Variants in DLGAP1 observed in about 807,000 individuals in gnomAD.
The protein encoded by DLGAP1 is disks large-associated protein 1.
DLGAP1 carries 11 observed loss-of-function variants against 90.8 expected under a neutral mutation model. The ratio of observed to expected loss-of-function variants is 0.12; its 90% CI spans 0.08 to 0.20. The LOEUF is 0.20. DLGAP1 is among the 10% of genes least tolerant of loss of function. The pLI is 1.00. For missense variants in DLGAP1, 1,050 were observed against 1,333.8 expected (o/e 0.79, Z 3.31); for synonymous variants, 558 against 540.7 (o/e 1.03, Z -0.44).
chr18:4,397,015 A>T (rs1352727482), intron 1 of DLGAP1, among the ~76,000 whole-genome samples: 1 of 152,230 alleles, frequency 6.6e-6, no homozygotes, highest in Non-Finnish European at 1.5e-5. Context: ...CTGGAGCCAG[A>T]CACACCTGAG....
At chr18:4,266,807 A>AT (rs1232450356) in intron 1 of DLGAP1, among the ~76,000 whole-genome samples, 1 of 152,220 alleles carries the variant, frequency 6.6e-6, no homozygotes, top group Non-Finnish European at 1.5e-5. Context: ...GCTGTCTGTG[A>AT]TTTTTTTAAA....
chr18:4,369,048 C>G (rs1350993), intron 1 of DLGAP1, among the ~76,000 whole-genome samples: 6,802 of 152,150 alleles, frequency 0.045, 480 homozygotes, highest in African/African-American at 0.15. Flanking sequence ...ATATGCAGCT[C>G]TTTTTATCAG....
intron 1 of DLGAP1, among the ~76,000 whole-genome samples, chr18:4,259,835 A>T (rs1568476798): frequency 6.6e-6 from 1 of 152,194 alleles, no homozygotes; most frequent in South Asian, 2.1e-4. Context: ...CGAAGTAGAC[A>T]TTTCCAAACG....
chr18:4,339,081 T>C (rs74667799), intron 1 of DLGAP1, among the ~76,000 whole-genome samples: 1,909 of 152,176 alleles, frequency 0.013, 50 homozygotes, highest in African/African-American at 0.043. Flanking sequence ...AACTAAAGGG[T>C]CCTGACTTTA....
At chr18:4,061,295 G>A (rs2075294478) in intron 2 of DLGAP1, among the ~76,000 whole-genome samples, 1 of 152,132 alleles carries the variant, frequency 6.6e-6, no homozygotes, top group African/African-American at 2.4e-5. Context: ...TTTTTGCCTA[G>A]TTTAGAGGGT....
At chr18:3,848,708 C>A (rs2069164714) in intron 4 of DLGAP1, among the ~76,000 whole-genome samples, 1 of 152,102 alleles carries the variant, frequency 6.6e-6, no homozygotes, top group African/African-American at 2.4e-5. Flanking sequence ...GCCATATCAC[C>A]AAGAGATATT....
At chr18:4,085,774 A>C (rs1422282908) in intron 2 of DLGAP1, among the ~76,000 whole-genome samples, 1 of 152,138 alleles carries the variant, frequency 6.6e-6, no homozygotes, top group African/African-American at 2.4e-5. Context: ...CTCAGAACAC[A>C]ATTATCCGGT....
chr18:3,791,238 C>A (rs1472546040), intron 5 of DLGAP1, among the ~76,000 whole-genome samples: 4 of 152,172 alleles, frequency 2.6e-5, no homozygotes, highest in African/African-American at 9.7e-5. Flanking sequence ...ACCTTATCTT[C>A]TAGGAACTTT....
At chr18:3,831,984 G>T (rs1159616105) in intron 4 of DLGAP1, among the ~76,000 whole-genome samples, 1 of 152,148 alleles carries the variant, frequency 6.6e-6, no homozygotes, top group Non-Finnish European at 1.5e-5. Context: ...AAGTGACATG[G>T]ATCTATACAA....
intron 7 of DLGAP1, among the ~76,000 whole-genome samples, chr18:3,680,902 C>G (rs1269971704): frequency 6.6e-6 from 1 of 151,908 alleles, no homozygotes; most frequent in African/African-American, 2.4e-5. Context: ...AATGAAGAAG[C>G]CTGAATCTAT....
chr18:3,955,826 T>G (rs150665023), intron 3 of DLGAP1, among the ~76,000 whole-genome samples: 20 of 152,114 alleles, frequency 1.3e-4, no homozygotes, highest in Non-Finnish European at 1.2e-4. Flanking sequence ...GTAACATTAA[T>G]GCTAGATTAG....
chr18:3,805,533 T>C (rs764566560), intron 5 of DLGAP1, among the ~76,000 whole-genome samples: 1 of 152,182 alleles, frequency 6.6e-6, no homozygotes, highest in Non-Finnish European at 1.5e-5. Context: ...GTTTCAAGAC[T>C]GTATTTAAAA....
At position 3,666,585 on chromosome 18, in the gene DLGAP1, G is replaced by A. The variant is rs79578924; in HGVS notation, c.1591+62550C>T. On this transcript the variant is annotated intron_variant, in intron 7 of 12. Coordinates refer to ENST00000315677, the MANE Select transcript of DLGAP1 (RefSeq NM_004746.4). Reference sequence around the variant, plus strand: ...CTCTTAAAACACAGGATCAGAGAATGCAGTTCTAAATGGCAAATCTAGACT... The same window carrying A: ...CTCTTAAAACACAGGATCAGAGAATACAGTTCTAAATGGCAAATCTAGACT... Among the ~76,000 whole-genome samples the A allele has an allele frequency of 3.9e-5, 6 of 152,304 alleles. No homozygotes were observed. The East Asian group carries it at 1.2e-3, about 29-fold the overall frequency.
intron 12 of DLGAP1, chr18:3,502,249 A>T: frequency 7.4e-7 from 1 of 1,359,982 alleles, no homozygotes; most frequent in Non-Finnish European, 9.5e-7. Context: ...TTAATTAACA[A>T]AAAAAGCCAC....
chr18:4,437,574 G>T (rs1226123058), intron 1 of DLGAP1, among the ~76,000 whole-genome samples: 1 of 152,152 alleles, frequency 6.6e-6, no homozygotes, highest in Non-Finnish European at 1.5e-5. Context: ...AAAAAAGTTT[G>T]TCCATGTTCA....
chr18:3,905,943 C>T (rs1424588429), intron 3 of DLGAP1, among the ~76,000 whole-genome samples: 1 of 152,154 alleles, frequency 6.6e-6, no homozygotes, highest in African/African-American at 2.4e-5. Context: ...GTCCTTGAAC[C>T]CTTTTGAAGA....
intron 3 of DLGAP1, among the ~76,000 whole-genome samples, chr18:3,948,189 T>C (rs1376923624): frequency 6.6e-6 from 1 of 152,124 alleles, no homozygotes; most frequent in African/African-American, 2.4e-5. Context: ...CTGAAGATCT[T>C]TTCCAGGCCA....
intron 3 of DLGAP1, among the ~76,000 whole-genome samples, chr18:3,938,154 A>G (rs1189558952): frequency 6.6e-6 from 1 of 152,214 alleles, no homozygotes; most frequent in Non-Finnish European, 1.5e-5. Context: ...CATACACGTT[A>G]AAAAAGGGCA....
chr18:3,619,582 T>G (rs545277433), intron 7 of DLGAP1, among the ~76,000 whole-genome samples: 1 of 152,258 alleles, frequency 6.6e-6, no homozygotes, highest in South Asian at 2.1e-4. Context: ...CTAGCCGCCC[T>G]AGTCCTTCCT....
Sources: allele counts gnomAD v4.1 joint callset (sites outside exome capture counted in the v4.1 genomes callset), GRCh38; gene constraint gnomAD v4.1.1; transcripts MANE v1.5; gene names NCBI Gene and HGNC (gene_info 2026-07-23, HGNC 2026-07-21).